Variants in NOX3 observed in about 807,000 individuals in gnomAD.
NOX3 encodes NADPH oxidase catalytic subunit-like 3.
Under a neutral mutation model 76.7 loss-of-function variants are expected in NOX3, and 74 were observed. That is an observed-to-expected ratio of 0.96 (90% CI 0.80 to 1.17). The LOEUF is 1.17. NOX3 is among the 50% of genes most tolerant of loss of function. The pLI is 0.00. For missense variants in NOX3, 695 were observed against 703.3 expected (o/e 0.99, Z 0.13); for synonymous variants, 263 against 261.1 (o/e 1.01, Z -0.07).
chr6:155,446,372 G>A lies in NOX3; in HGVS notation c.341-2954C>T, dbSNP rs554288238. On this transcript the variant is annotated intron_variant, in intron 4 of 13. Coordinates refer to ENST00000159060, the MANE Select transcript of NOX3 (RefSeq NM_015718.3). Reference sequence around the variant, plus strand: ...GCTGTTTTCTGATAATTATCTCGACGTCTTTAAAAAGCAGGTAGTACGTCT... The same window carrying A: ...GCTGTTTTCTGATAATTATCTCGACATCTTTAAAAAGCAGGTAGTACGTCT... Among the ~76,000 whole-genome samples the A allele has an allele frequency of 5.9e-5, 9 of 152,180 alleles. No individual in the cohort carries two copies. In the South Asian group the frequency reaches 1.7e-3, roughly 28 times the overall value.
chr6:155,443,475 A>G, intron 4 of NOX3, 57 bp from the exon 5 acceptor site: 1 of 1,568,636 alleles, frequency 6.4e-7, no homozygotes, highest in Non-Finnish European at 8.7e-7. Flanking sequence ...CTCCCTAGTT[A>G]CTAAAAAATA....
chr6:155,444,872 A>C (rs1038010475), intron 4 of NOX3, among the ~76,000 whole-genome samples: 1 of 152,228 alleles, frequency 6.6e-6, no homozygotes, highest in Non-Finnish European at 1.5e-5. Flanking sequence ...ATACCCCTGC[A>C]CATACACATT....
intron 10 of NOX3, among the ~76,000 whole-genome samples, chr6:155,421,809 T>G (rs1582934972): frequency 6.6e-6 from 1 of 152,274 alleles, no homozygotes; most frequent in East Asian, 1.9e-4. Context: ...CAGAACTTAT[T>G]TAATGGCTAG....
chr6:155,435,810 C>T (rs749780870), intron 7 of NOX3, among the ~76,000 whole-genome samples: 5 of 152,312 alleles, frequency 3.3e-5, no homozygotes, highest in East Asian at 1.9e-4. Context: ...TTACCACCTA[C>T]CCGGGAAATC....
intron 5 of NOX3, among the ~76,000 whole-genome samples, chr6:155,441,985 C>A (rs1197834636): frequency 6.6e-6 from 1 of 152,168 alleles, no homozygotes. Flanking sequence ...GTAGCTCAAG[C>A]CGAGCGCGGT....
intron 12 of NOX3, among the ~76,000 whole-genome samples, chr6:155,405,813 G>A (rs1776449672): frequency 6.6e-6 from 1 of 152,122 alleles, no homozygotes; most frequent in African/African-American, 2.4e-5. Flanking sequence ...GAATTCTCTG[G>A]CCTCTCCACC....
rs766940433 is a variant in NOX3, at chr6:155,413,390, C to T, written c.1309-2030G>A. 4.0e-5 allele frequency among the ~76,000 whole-genome samples: 6 copies of T among 151,588 alleles called. No individual in the cohort carries two copies. The East Asian group carries it at 1.2e-3, about 29-fold the overall frequency. On this transcript the variant is annotated intron_variant, in intron 10 of 13. Transcript: ENST00000159060. Reference sequence around the variant, plus strand: ...CCATGGCGTTGTAGGGCTTTGGGGCCGTTGTAGACTTTCCCTCCGAGAGAC... The same window carrying T: ...CCATGGCGTTGTAGGGCTTTGGGGCTGTTGTAGACTTTCCCTCCGAGAGAC...
intron 10 of NOX3, among the ~76,000 whole-genome samples, chr6:155,412,184 C>T (rs959399381): frequency 1.3e-5 from 2 of 152,092 alleles, no homozygotes; most frequent in African/African-American, 2.4e-5. Flanking sequence ...CCCAAAGAGA[C>T]ATCTGTATGG....
chr6:155,422,873 AT>A lies in NOX3; in HGVS notation c.1146-18del. 1 of 1,613,622 alleles carries A rather than the reference AT, an allele frequency of 6.2e-7. No individual in the cohort carries two copies. The highest frequency in any genetic ancestry group is 8.5e-7 in the Non-Finnish European group (1 of 1,179,586). On this transcript the variant is annotated intron_variant, in intron 9 of 13. Transcript: ENST00000159060. ...ACTGCCAGCCTGGAATCATAGAGGA[AT>A]GCAGCCTATTTGACCTTCAGAACAC...
intron 10 of NOX3, among the ~76,000 whole-genome samples, chr6:155,418,029 C>T (rs146578346): frequency 3.3e-5 from 5 of 152,318 alleles, no homozygotes; most frequent in Admixed American, 2.6e-4. Context: ...CTGAAGACTA[C>T]ATATGCAGTT....
intron 1 of NOX3, 109 bp downstream of exon 1, chr6:155,455,644 T>C: frequency 1.3e-6 from 1 of 755,278 alleles, no homozygotes; most frequent in Non-Finnish European, 2.2e-6. Context: ...TTTAGTCTTT[T>C]AACTAGAGTA....
At chr6:155,406,911 G>T (rs1325349018) in intron 12 of NOX3, among the ~76,000 whole-genome samples, 1 of 152,240 alleles carries the variant, frequency 6.6e-6, no homozygotes, top group Non-Finnish European at 1.5e-5. Context: ...TGGAGGTTAA[G>T]TGTGAAAAAT....
At chr6:155,421,106 C>T (rs1380439347) in intron 10 of NOX3, among the ~76,000 whole-genome samples, 3 of 152,120 alleles carry the variant, frequency 2.0e-5, no homozygotes, top group African/African-American at 2.4e-5. Flanking sequence ...GGAATCCCAC[C>T]GTCTTCCTAA....
intron 10 of NOX3, among the ~76,000 whole-genome samples, chr6:155,412,348 G>A (rs186688264): frequency 8.5e-4 from 129 of 152,162 alleles, no homozygotes; most frequent in Admixed American, 1.9e-3. Context: ...ATATAAATGA[G>A]ATTTAATGAA....
At position 155,411,233 on chromosome 6, in the gene NOX3, G is replaced by T. The variant is rs760690716; in HGVS notation, c.1436C>A (p.Thr479Asn). The change falls in exon 11 of 14, where the codon ACC becomes AAC. Residue 479 changes from threonine to asparagine, a missense_variant. Thr to Asn is a moderately conservative substitution (Grantham distance 65, BLOSUM62 0). Transcript: ENST00000159060. ...THFLSYHIFL[T>N]GWDENQALHI... ...CAGTACCTGATTTTCATCCCAGCCG[G>T]TAAGAAATATATGATAACTCAGAAA... 4 of 1,613,616 alleles carry T rather than the reference G, an allele frequency of 2.5e-6. No individual in the cohort carries two copies. In the Admixed American group the frequency reaches 6.7e-5, roughly 27 times the overall value.
intron 12 of NOX3, among the ~76,000 whole-genome samples, chr6:155,399,603 T>G (rs1779192683): frequency 6.6e-6 from 1 of 152,158 alleles, no homozygotes; most frequent in Admixed American, 6.6e-5. Context: ...ACAAGCAGTT[T>G]GCCTGGCTTA....
chr6:155,429,549 C>A (rs1334442994), intron 8 of NOX3, among the ~76,000 whole-genome samples: 2 of 152,184 alleles, frequency 1.3e-5, no homozygotes, highest in Non-Finnish European at 2.9e-5. Context: ...TCACTTCAAA[C>A]TCTTTTCTTG....
intron 4 of NOX3, among the ~76,000 whole-genome samples, chr6:155,448,470 C>T (rs1777093183): frequency 6.6e-6 from 1 of 152,006 alleles, no homozygotes. Context: ...TTTCCATAAC[C>T]CACTCAATTG....
intron 7 of NOX3, among the ~76,000 whole-genome samples, chr6:155,435,288 T>G (rs896461663): frequency 6.6e-6 from 1 of 152,134 alleles, no homozygotes; most frequent in Non-Finnish European, 1.5e-5. Flanking sequence ...GGGGGAGTAT[T>G]GATTTTTTTA....
Sources: allele counts gnomAD v4.1 joint callset (sites outside exome capture counted in the v4.1 genomes callset), GRCh38; gene constraint gnomAD v4.1.1; transcripts MANE v1.5; gene names NCBI Gene and HGNC (gene_info 2026-07-23, HGNC 2026-07-21).